Variants in BICC1 observed in about 807,000 individuals in gnomAD.
BICC1 encodes the protein protein bicaudal C homolog 1.
In BICC1, 43 loss-of-function variants were observed where a neutral mutation model predicts 111.0. The ratio of observed to expected loss-of-function variants is 0.39; its 90% CI spans 0.30 to 0.50. The LOEUF (loss-of-function observed/expected upper bound fraction) is 0.50. Ranked by LOEUF, BICC1 falls within the 20% of genes least tolerant of loss-of-function variation. BICC1 has a pLI of 0.88. For synonymous variants in BICC1, 467 were observed against 434.4 expected (o/e 1.07, Z -0.93); for missense variants, 1,091 against 1,203.2 (o/e 0.91, Z 1.38).
intron 2 of BICC1, among the ~76,000 whole-genome samples, chr10:58,630,599 G>A (rs920837314): frequency 1.3e-5 from 2 of 152,052 alleles, no homozygotes; most frequent in African/African-American, 2.4e-5. Context: ...TAGCTTTCAG[G>A]TTCTGATCTA....
chr10:58,634,536 C>T (rs1056764785), intron 2 of BICC1, among the ~76,000 whole-genome samples: 1 of 152,174 alleles, frequency 6.6e-6, no homozygotes, highest in African/African-American at 2.4e-5. Context: ...CCTCAGGTGA[C>T]ATTACTCTGT....
intron 15 of BICC1, among the ~76,000 whole-genome samples, chr10:58,803,536 T>G (rs1195233224): frequency 6.6e-6 from 1 of 152,172 alleles, no homozygotes; most frequent in Admixed American, 6.5e-5. Context: ...AATTTTCAGA[T>G]GAGTTTGCGG....
intron 3 of BICC1, among the ~76,000 whole-genome samples, chr10:58,703,122 C>T (rs551444078): frequency 3.9e-4 from 57 of 147,718 alleles, no homozygotes; most frequent in Non-Finnish European, 6.4e-4. Flanking sequence ...GTTAGCTGGA[C>T]TTGAATTGAC....
intron 1 of BICC1, among the ~76,000 whole-genome samples, chr10:58,544,475 A>T (rs1415767535): frequency 6.6e-6 from 1 of 152,158 alleles, no homozygotes; most frequent in Non-Finnish European, 1.5e-5. Flanking sequence ...CCCTTGGAAA[A>T]TATGTCCGAT....
chr10:58,720,956 C>G (rs1014704159), intron 3 of BICC1, among the ~76,000 whole-genome samples: 9 of 152,124 alleles, frequency 5.9e-5, no homozygotes, highest in Non-Finnish European at 1.2e-4. Flanking sequence ...GTGAGTTCAC[C>G]CACAGTGGAC....
intron 1 of BICC1, among the ~76,000 whole-genome samples, chr10:58,555,306 A>T (rs796887911): frequency 0.014 from 1,451 of 102,474 alleles, 59 homozygotes; most frequent in African/African-American, 0.053. Flanking sequence ...GCTGTTGGAC[A>T]TTTTTTTTTT....
chr10:58,611,236 G>A (rs1845407610), intron 1 of BICC1, among the ~76,000 whole-genome samples: 1 of 152,134 alleles, frequency 6.6e-6, no homozygotes, highest in Admixed American at 6.5e-5. Context: ...AGCAATTCAA[G>A]CTATTTAAAG....
At chr10:58,573,930 C>G (rs1158090244) in intron 1 of BICC1, among the ~76,000 whole-genome samples, 1 of 152,154 alleles carries the variant, frequency 6.6e-6, no homozygotes, top group Non-Finnish European at 1.5e-5. Context: ...TCTGACCACT[C>G]TACATCTGGC....
intron 1 of BICC1, among the ~76,000 whole-genome samples, chr10:58,601,140 T>TATATATATATATATA (rs1554810885): frequency 7.9e-5 from 8 of 100,666 alleles, no homozygotes; most frequent in Non-Finnish European, 1.2e-4. Flanking sequence ...ATTTTAAAAC[T>TATATATATATATATA]TATATATATA....
intron 3 of BICC1, among the ~76,000 whole-genome samples, chr10:58,769,372 A>G (rs1282299718): frequency 4.6e-5 from 4 of 86,206 alleles, no homozygotes; most frequent in African/African-American, 1.0e-4. Context: ...TAGTTTTATA[A>G]TGTATGTGTG....
chr10:58,545,976 A>G (rs1589083775), intron 1 of BICC1, among the ~76,000 whole-genome samples: 1 of 152,250 alleles, frequency 6.6e-6, no homozygotes, highest in South Asian at 2.1e-4. Context: ...TTAGCAGAAT[A>G]TATCTATTTA....
At chr10:58,644,534 G>A (rs7906269) in intron 2 of BICC1, among the ~76,000 whole-genome samples, 148,458 of 152,320 alleles carry the variant, frequency 0.97, 72,458 homozygotes, top group East Asian at 1. Context: ...TAAGGCATGT[G>A]TATCCTATAC....
chr10:58,727,316 A>G (rs375856983), intron 3 of BICC1, among the ~76,000 whole-genome samples: 2 of 152,156 alleles, frequency 1.3e-5, no homozygotes, highest in African/African-American at 4.8e-5. Flanking sequence ...GCTGCGCACA[A>G]TGGCTCATGC....
intron 2 of BICC1, among the ~76,000 whole-genome samples, chr10:58,669,823 T>A (rs1839127566): frequency 6.6e-6 from 1 of 152,198 alleles, no homozygotes; most frequent in Non-Finnish European, 1.5e-5. Flanking sequence ...TATTTCTGTT[T>A]CACTCTTTTG....
At chr10:58,680,152 C>G (rs956508302) in intron 2 of BICC1, among the ~76,000 whole-genome samples, 1 of 152,194 alleles carries the variant, frequency 6.6e-6, no homozygotes, top group African/African-American at 2.4e-5. Context: ...GTCACCATTC[C>G]TGTGTATTGG....
At chr10:58,704,436 A>C (rs2132459304) in intron 3 of BICC1, among the ~76,000 whole-genome samples, 1 of 152,326 alleles carries the variant, frequency 6.6e-6, no homozygotes, top group Admixed American at 6.5e-5. Flanking sequence ...TTCTTGGCTA[A>C]CATCCCTGGT....
chr10:58,619,645 T>G (rs1481679771), intron 1 of BICC1, among the ~76,000 whole-genome samples: 1 of 152,040 alleles, frequency 6.6e-6, no homozygotes, highest in African/African-American at 2.4e-5. Context: ...CAGCTAATTT[T>G]TGTATTTTTA....
chr10:58,731,266 G>A (rs1477796980), intron 3 of BICC1, among the ~76,000 whole-genome samples: 6 of 152,098 alleles, frequency 3.9e-5, no homozygotes, highest in African/African-American at 9.7e-5. Context: ...CCTCATCTCC[G>A]TCTGAGACCT....
chr10:58,705,845 C>G (rs1345407600), intron 3 of BICC1, among the ~76,000 whole-genome samples: 2 of 152,054 alleles, frequency 1.3e-5, no homozygotes, highest in Non-Finnish European at 2.9e-5. Context: ...AGGCCTTGCC[C>G]TAGAATTTTT....
Sources: allele counts gnomAD v4.1 joint callset (sites outside exome capture counted in the v4.1 genomes callset), GRCh38; gene constraint gnomAD v4.1.1; transcripts MANE v1.5; gene names NCBI Gene and HGNC (gene_info 2026-07-23, HGNC 2026-07-21).